Variants in TMEM74 observed in about 807,000 individuals in gnomAD.
TMEM74 encodes transmembrane protein 74.
In TMEM74, 13 loss-of-function variants were observed where a neutral mutation model predicts 18.1. That is an observed-to-expected ratio of 0.72 (90% confidence interval 0.47 to 1.14). The LOEUF is 1.14. Among genes scored for constraint, TMEM74 ranks in the 50% most tolerant of loss-of-function variants. The pLI is 0.00. For missense variants in TMEM74, 372 were observed against 375.9 expected, an observed-to-expected ratio of 0.99 and a Z score of 0.09; for synonymous variants, 159 against 146.6, an observed-to-expected ratio of 1.08 and a Z score of -0.61.
chr8:108,738,421 T>C (rs980517964), intron 1 of TMEM74, among the ~76,000 whole-genome samples: 20 of 152,168 alleles, frequency 1.3e-4, no homozygotes, highest in African/African-American at 4.8e-4. Context: ...TCTTCACGCA[T>C]CTTACTACAG....
intron 1 of TMEM74, among the ~76,000 whole-genome samples, chr8:108,687,370 G>A (rs1274748871): frequency 7.6e-6 from 1 of 131,508 alleles, no homozygotes; most frequent in Non-Finnish European, 1.6e-5. Context: ...GGGAGAATTT[G>A]CGGCAAACAC....
At chr8:108,765,248 C>T (rs183412652) in intron 1 of TMEM74, among the ~76,000 whole-genome samples, 33 of 152,148 alleles carry the variant, frequency 2.2e-4, no homozygotes, top group African/African-American at 7.9e-4. Context: ...GACAAACCTG[C>T]CTTACTTAGA....
chr8:108,681,354 A>G (rs1353882916), intron 1 of TMEM74, among the ~76,000 whole-genome samples: 1 of 152,164 alleles, frequency 6.6e-6, no homozygotes, highest in Non-Finnish European at 1.5e-5. Flanking sequence ...GCCCTCAGAA[A>G]TAATGCTGCA....
chr8:108,720,208 G>A (rs757672665), intron 1 of TMEM74, among the ~76,000 whole-genome samples: 2 of 151,906 alleles, frequency 1.3e-5, no homozygotes, highest in Admixed American at 6.6e-5. Flanking sequence ...AGTATTTATA[G>A]ATATCCAAAT....
intron 1 of TMEM74, among the ~76,000 whole-genome samples, chr8:108,730,626 C>T (rs1297874854): frequency 6.9e-6 from 1 of 145,692 alleles, no homozygotes; most frequent in African/African-American, 2.7e-5. Flanking sequence ...TAAATGTATG[C>T]AGACTTCCTT....
downstream of TMEM74, among the ~76,000 whole-genome samples, chr8:108,777,239 G>T (rs1814243859): frequency 6.6e-6 from 1 of 152,162 alleles, no homozygotes; most frequent in Non-Finnish European, 1.5e-5. Flanking sequence ...GTGTTGTGGA[G>T]ATTATGCAAG....
At chr8:108,679,575 G>A (rs867999650) in intron 1 of TMEM74, among the ~76,000 whole-genome samples, 12 of 152,204 alleles carry the variant, frequency 7.9e-5, no homozygotes, top group South Asian at 2.1e-4. Context: ...CATATCCTTC[G>A]CCCACTTTTT....
chr8:108,733,338 C>T (rs1412315713), intron 1 of TMEM74, among the ~76,000 whole-genome samples: 1 of 152,074 alleles, frequency 6.6e-6, no homozygotes, highest in East Asian at 1.9e-4. Flanking sequence ...ACTACTGATA[C>T]ACATAACATG....
intron 1 of TMEM74, among the ~76,000 whole-genome samples, chr8:108,722,834 C>A (rs1813599074): frequency 6.6e-6 from 1 of 152,134 alleles, no homozygotes; most frequent in African/African-American, 2.4e-5. Flanking sequence ...ATATTACTAT[C>A]ATGGCTAAGA....
intron 1 of TMEM74, among the ~76,000 whole-genome samples, chr8:108,715,371 G>C (rs975901780): frequency 3.3e-5 from 5 of 151,914 alleles, no homozygotes; most frequent in Non-Finnish European, 4.4e-5. Context: ...AGCATTACAC[G>C]ATATACTCAG....
chr8:108,614,574 G>A (rs190457359), intron 2 of TMEM74, among the ~76,000 whole-genome samples: 1 of 152,286 alleles, frequency 6.6e-6, no homozygotes, highest in African/African-American at 2.4e-5. Context: ...TCAAACTTAT[G>A]TAACATGTGA....
In TMEM74 at chr8:108,784,676, C is replaced by A; in HGVS notation, c.423G>T (p.Trp141Cys). The change falls in exon 2 of 2, where the codon TGG (tryptophan) becomes TGT (cysteine). Residue 141 changes from tryptophan to cysteine, a missense_variant. Transcript: ENST00000297459. ...KGHNHPGELG[W>C]ENPNEWSQEA... is the part of the protein sequence containing the mutation. ...CTTGGGACCACTCATTTGGATTTTC[C>A]CAGCCAAGCTCCCCAGGGTGATTAT... The A allele has an allele frequency of 6.2e-7, 1 of 1,614,148 alleles. No individual in the cohort carries two copies. Among genetic ancestry groups the A allele is most frequent in the Non-Finnish European group, 8.5e-7 (1 of 1,180,012 alleles).
At chr8:108,617,165 G>A (rs1391204) in intron 2 of TMEM74, among the ~76,000 whole-genome samples, 32,632 of 151,374 alleles carry the variant, frequency 0.22, 3,534 homozygotes, top group East Asian at 0.27. Flanking sequence ...GTATCATTGC[G>A]AAAAGAATTT....
chr8:108,713,090 TG>T (rs1209128367), intron 1 of TMEM74, among the ~76,000 whole-genome samples: 1 of 152,202 alleles, frequency 6.6e-6, no homozygotes, highest in Admixed American at 6.5e-5. Flanking sequence ...GAACTTTTGT[TG>T]GTTGGTTCAT....
intron 2 of TMEM74, among the ~76,000 whole-genome samples, chr8:108,629,855 A>C (rs1247379288): frequency 6.6e-6 from 1 of 152,078 alleles, no homozygotes; most frequent in Non-Finnish European, 1.5e-5. Context: ...GGAAATGAAA[A>C]ACTGGTACCA....
At chr8:108,655,592 AC>A (rs1357776048) in intron 1 of TMEM74, among the ~76,000 whole-genome samples, 1 of 152,016 alleles carries the variant, frequency 6.6e-6, no homozygotes, top group Non-Finnish European at 1.5e-5. Flanking sequence ...TAGAAAATGC[AC>A]CTCCATGGAA....
At chr8:108,693,311 G>A (rs925556201) in intron 1 of TMEM74, among the ~76,000 whole-genome samples, 3 of 152,180 alleles carry the variant, frequency 2.0e-5, no homozygotes, top group African/African-American at 7.2e-5. Flanking sequence ...GTTAGCAGTT[G>A]AAGGAAAAGT....
intron 1 of TMEM74, among the ~76,000 whole-genome samples, chr8:108,786,127 A>T (rs1814381884): frequency 6.6e-6 from 1 of 152,200 alleles, no homozygotes; most frequent in South Asian, 2.1e-4. Flanking sequence ...GACAAACTAT[A>T]AACCCACAGA....
At chr8:108,644,174 A>T (rs1378871155) in intron 2 of TMEM74, among the ~76,000 whole-genome samples, 3 of 152,156 alleles carry the variant, frequency 2.0e-5, no homozygotes, top group Non-Finnish European at 4.4e-5. Flanking sequence ...ATGGAACAGA[A>T]TAGAGAAGCC....
Sources: gnomAD v4.1 joint callset for allele counts (sites outside exome capture counted in the v4.1 genomes callset) on GRCh38, gnomAD v4.1.1 for gene constraint, MANE v1.5 for transcripts, NCBI Gene and HGNC (gene_info 2026-07-23, HGNC 2026-07-21) for gene names.